The following SPIDR variants were observed in gnomAD, a reference collection of about 807,000 sequenced individuals.
SPIDR encodes the protein DNA repair-scaffolding protein.
SPIDR carries 93 observed loss-of-function variants against 104.6 expected under a neutral mutation model. The observed-to-expected ratio is 0.89, with a 90% CI of 0.75 to 1.06. The LOEUF (loss-of-function observed/expected upper bound fraction) is 1.06. Ranked by LOEUF, SPIDR falls within the 50% of genes least tolerant of loss-of-function variation. The probability of loss-of-function intolerance (pLI) is 0.00; values close to 1 mark genes in which losing one functional copy is unlikely to be tolerated. For synonymous variants in SPIDR, 431 were observed against 416.9 expected (o/e 1.03, Z -0.41); for missense variants, 1,154 against 1,111.2 (o/e 1.04, Z -0.55).
rs3062665 is a variant in SPIDR at position 47,702,098 on chromosome 8, T to TACAC, written c.1977+118_1977+121dup. On this transcript the variant is annotated intron_variant, in intron 14 of 19. Coordinates refer to ENST00000297423, the MANE Select transcript of SPIDR (RefSeq NM_001080394.4). ...TCTCTCTCTCTCTCTCTCTCTCTCT[T>TACAC]ACACACACACACACACACACACACA... is the stretch of plus-strand genomic sequence containing the variant. 74 of 62,962 alleles carry TACAC rather than the reference T, an allele frequency of 1.2e-3. 1 individual carries two copies. Among genetic ancestry groups the TACAC allele is most frequent in the African/African-American group, 5.0e-3 (67 of 13,432 alleles). 3.9% of individuals were successfully genotyped at this position (62,962 alleles called of 1,614,324 possible). A position where few individuals can be genotyped will look rare whatever the true frequency, so the allele number is the denominator to read the frequency against.
intron 8 of SPIDR, among the ~76,000 whole-genome samples, chr8:47,488,410 T>C (rs1006636429): frequency 8.5e-5 from 13 of 152,320 alleles, no homozygotes; most frequent in Non-Finnish European, 1.9e-4. Context: ...CACAGCTGAA[T>C]TCTACCAGAG....
chr8:47,721,324 G>T (rs1563661679), intron 16 of SPIDR, among the ~76,000 whole-genome samples: 3 of 152,048 alleles, frequency 2.0e-5, no homozygotes, highest in Admixed American at 2.0e-4. Flanking sequence ...AAATCTAGTT[G>T]TTCTGGCACC....
intron 8 of SPIDR, among the ~76,000 whole-genome samples, chr8:47,555,506 T>C (rs1248832369): frequency 2.6e-5 from 4 of 152,210 alleles, no homozygotes; most frequent in Non-Finnish European, 5.9e-5. Flanking sequence ...AACTTTTAAT[T>C]TGGTTCCTCA....
intron 5 of SPIDR, among the ~76,000 whole-genome samples, chr8:47,334,107 AATTG>A (rs1363388636): frequency 6.6e-6 from 1 of 152,272 alleles, no homozygotes; most frequent in Non-Finnish European, 1.5e-5. Flanking sequence ...TCTTTCTGTT[AATTG>A]ATCTTTATTT....
chr8:47,496,125 A>G (rs889324400), intron 8 of SPIDR, among the ~76,000 whole-genome samples: 1 of 152,204 alleles, frequency 6.6e-6, no homozygotes, highest in Non-Finnish European at 1.5e-5. Context: ...ATACAAGATT[A>G]CGTCATCTGC....
chr8:47,693,984 G>C (rs561658935), intron 11 of SPIDR, among the ~76,000 whole-genome samples: 1 of 152,322 alleles, frequency 6.6e-6, no homozygotes, highest in South Asian at 2.1e-4. Context: ...CACATGAAGA[G>C]CTCCTTTCCG....
chr8:47,475,774 T>G (rs1554723454), intron 8 of SPIDR, among the ~76,000 whole-genome samples: 1 of 152,136 alleles, frequency 6.6e-6, no homozygotes, highest in African/African-American at 2.4e-5. Context: ...AAGTAAATGG[T>G]TAAGGTTTCT....
intron 15 of SPIDR, 153 bp from the exon 16 acceptor site, chr8:47,713,336 G>A: frequency 1.9e-6 from 2 of 1,066,968 alleles, no homozygotes; most frequent in Non-Finnish European, 2.8e-6. Flanking sequence ...TGGGGTTCAG[G>A]AGTGTGCACA....
chr8:47,516,847 T>C (rs191666563), intron 8 of SPIDR, among the ~76,000 whole-genome samples: 2 of 152,358 alleles, frequency 1.3e-5, no homozygotes, highest in Admixed American at 1.3e-4. Flanking sequence ...GGAACTACCA[T>C]ATTGTTTTCC....
intron 10 of SPIDR, chr8:47,660,657 C>A: frequency 2.9e-6 from 1 of 350,474 alleles, no homozygotes; most frequent in Non-Finnish European, 4.0e-6. Flanking sequence ...ATTGCTTTAC[C>A]CACAGTGGAG....
At chr8:47,681,407 T>A (rs2154475524) in intron 11 of SPIDR, among the ~76,000 whole-genome samples, 1 of 152,262 alleles carries the variant, frequency 6.6e-6, no homozygotes, top group Admixed American at 6.5e-5. Context: ...TTTTAGAAGG[T>A]ACAGTAAGCT....
chr8:47,263,544 C>T (rs921043830), intron 1 of SPIDR, among the ~76,000 whole-genome samples: 5 of 152,192 alleles, frequency 3.3e-5, no homozygotes, highest in African/African-American at 1.2e-4. Context: ...TGGTCTCGAT[C>T]TCCTGACGTC....
In SPIDR at chr8:47,472,352, G is replaced by C. The variant is rs191260620; in HGVS notation, c.1097+31810G>C. ...CTTGGTAGAGAGCTTGTGTCTGACT[G>C]ACCTGAAGGGTGGACACTCTGTTGA... On this transcript the variant is annotated intron_variant, in intron 8 of 19. Transcript: ENST00000297423. Among the ~76,000 whole-genome samples the C allele has an allele frequency of 1.5e-4, 23 of 152,328 alleles. No homozygotes were observed. The East Asian group carries it at 4.2e-3, about 28-fold the overall frequency.
intron 8 of SPIDR, among the ~76,000 whole-genome samples, chr8:47,559,938 A>G (rs1423599471): frequency 6.6e-6 from 1 of 152,208 alleles, no homozygotes. Flanking sequence ...TAACATTAAC[A>G]TAATGTTATC....
intron 10 of SPIDR, among the ~76,000 whole-genome samples, chr8:47,621,344 A>G (rs955090158): frequency 8.5e-5 from 13 of 152,322 alleles, no homozygotes; most frequent in African/African-American, 2.2e-4. Flanking sequence ...ATTTTTTAAT[A>G]ATTCCTTACA....
At position 47,498,377 on chromosome 8, in the gene SPIDR, A is replaced by G. The variant is rs185888810; in HGVS notation, c.1097+57835A>G. Among the ~76,000 whole-genome samples the G allele has an allele frequency of 6.6e-5, 10 of 152,330 alleles. No individual in the cohort carries two copies. The East Asian group carries it at 1.5e-3, about 23-fold the overall frequency. ...CAACCCAGGTTAAATATGCTCTTTTATGATCTAACACACTGTAATAATCAA... is the reference window on the plus strand; with the variant it reads ...CAACCCAGGTTAAATATGCTCTTTTGTGATCTAACACACTGTAATAATCAA... On this transcript the variant is annotated intron_variant, in intron 8 of 19. Transcript: ENST00000297423.
chr8:47,424,218 G>A lies in SPIDR; in HGVS notation c.878-16105G>A, dbSNP rs370459098. 2.1e-4 allele frequency among the ~76,000 whole-genome samples: 32 copies of A among 152,310 alleles called. 1 individual carries two copies. Among genetic ancestry groups the A allele is most frequent in the African/African-American group, 6.7e-4 (28 of 41,572 alleles). On this transcript the variant is annotated intron_variant, in intron 7 of 19. Coordinates refer to ENST00000297423, the MANE Select transcript of SPIDR (RefSeq NM_001080394.4). The stretch of plus-strand genomic sequence containing the variant: ...GCAGCAGTGGTTGCACCCTGGCTCC[G>A]TTGTTTGATCTCTGTTTAGTAACAG...
chr8:47,376,516 A>T (rs1323467633), intron 5 of SPIDR, among the ~76,000 whole-genome samples: 1 of 152,170 alleles, frequency 6.6e-6, no homozygotes, highest in African/African-American at 2.4e-5. Flanking sequence ...TAAGTTGCTA[A>T]GTTTGTGGTG....
intron 10 of SPIDR, among the ~76,000 whole-genome samples, chr8:47,672,444 C>G (rs907185391): frequency 6.6e-6 from 1 of 152,300 alleles, no homozygotes; most frequent in Non-Finnish European, 1.5e-5. Context: ...CCTCTCACTT[C>G]TCAAGCTATA....
Sources: allele counts gnomAD v4.1 joint callset (sites outside exome capture counted in the v4.1 genomes callset), GRCh38; gene constraint gnomAD v4.1.1; transcripts MANE v1.5; gene names NCBI Gene and HGNC (gene_info 2026-07-23, HGNC 2026-07-21).